The following SASH1 variants were observed in gnomAD, a reference collection of about 807,000 sequenced individuals.
The protein encoded by SASH1 is SAM and SH3 domain-containing protein 1.
Under a neutral mutation model 125.2 loss-of-function variants are expected in SASH1, and 44 were observed. The observed-to-expected ratio is 0.35, with a 90% CI of 0.28 to 0.45. The LOEUF (loss-of-function observed/expected upper bound fraction) is 0.45, where lower values mean the gene tolerates loss of function less well. Ranked by LOEUF, SASH1 falls within the 20% of genes least tolerant of loss-of-function variation. The pLI, the probability that SASH1 is intolerant of heterozygous loss-of-function variation, is 1.00. For missense variants in SASH1, 1,426 were observed against 1,614.5 expected (o/e 0.88, Z 2.00); for synonymous variants, 639 against 649.1 (o/e 0.98, Z 0.24).
intron 4 of SASH1, among the ~76,000 whole-genome samples, chr6:148,452,446 C>T (rs1777143029): frequency 6.6e-6 from 1 of 152,210 alleles, no homozygotes; most frequent in Admixed American, 6.5e-5. Context: ...AAAGCATGCC[C>T]TGCACCGATC....
At chr6:148,474,312 AGG>A in intron 7 of SASH1, 90 bp downstream of exon 7, 1 of 708,114 alleles carries the variant, frequency 1.4e-6, no homozygotes, top group Non-Finnish European at 2.5e-6. Context: ...TATAGGAATC[AGG>A]TACCCATGTT....
chr6:148,328,563 AG>A (rs1470466720), intron 1 of SASH1, among the ~76,000 whole-genome samples: 1 of 151,800 alleles, frequency 6.6e-6, no homozygotes, highest in African/African-American at 2.4e-5. Context: ...ACTGCACTCC[AG>A]CCTGGGTGAC....
intron 1 of SASH1, among the ~76,000 whole-genome samples, chr6:148,277,389 T>A (rs1258801856): frequency 6.6e-6 from 1 of 152,184 alleles, no homozygotes; most frequent in African/African-American, 2.4e-5. Context: ...AGACATTGGG[T>A]TCACCGTGCT....
At chr6:148,508,966 T>C in intron 8 of SASH1, 1 of 610,922 alleles carries the variant, frequency 1.6e-6, no homozygotes, top group Non-Finnish European at 2.7e-6. Context: ...CCTATGATGT[T>C]TCTCTCTCTT....
At chr6:148,372,721 TCATTCATTC>T (rs1782746147) in intron 1 of SASH1, among the ~76,000 whole-genome samples, 1 of 152,156 alleles carries the variant, frequency 6.6e-6, no homozygotes, top group Admixed American at 6.5e-5. Flanking sequence ...ATTCATTCAT[TCATTCATTC>T]ATTCAGTGCA....
chr6:148,347,245 T>G (rs1781550163), intron 1 of SASH1, among the ~76,000 whole-genome samples: 1 of 152,180 alleles, frequency 6.6e-6, no homozygotes, highest in Non-Finnish European at 1.5e-5. Context: ...AGGGGGTTAG[T>G]AAGTGCCTAT....
At chr6:148,269,633 T>C (rs1369289741), upstream of SASH1, among the ~76,000 whole-genome samples, 1 of 152,196 alleles carries the variant, frequency 6.6e-6, no homozygotes, top group Non-Finnish European at 1.5e-5. Context: ...TTTGATTGCA[T>C]TGTTAGATTG....
chr6:148,284,469 G>A (rs1002432011), intron 1 of SASH1, among the ~76,000 whole-genome samples: 1 of 152,132 alleles, frequency 6.6e-6, no homozygotes, highest in African/African-American at 2.4e-5. Flanking sequence ...ATTTTCTACT[G>A]TATGAAAATT....
chr6:148,379,239 C>G (rs1413052871), intron 1 of SASH1, among the ~76,000 whole-genome samples: 1 of 152,186 alleles, frequency 6.6e-6, no homozygotes, highest in East Asian at 1.9e-4. Context: ...GTCCCCTGTC[C>G]TGCCACACCT....
At chr6:148,514,499 C>T in intron 9 of SASH1, 43 bp downstream of exon 9, 1 of 1,366,542 alleles carries the variant, frequency 7.3e-7, no homozygotes. Context: ...CAGACTCCAC[C>T]CTGGTTATTC....
chr6:148,228,923 G>A, the SASH1 span, among the ~76,000 whole-genome samples: 4 of 152,096 alleles, frequency 2.6e-5, no homozygotes, highest in African/African-American at 7.2e-5. Context: ...ATCACTTGAC[G>A]TCAAGAGTTC....
At position 148,519,515 on chromosome 6, in the gene SASH1, G is replaced by A; in HGVS notation, c.863-32G>A. ...GATGTATGCAAGAATGCAAAGGTGT[G>A]TTCACAAGAGACTCTGTTGGTTTCC... On this transcript the variant is annotated intron_variant, in intron 9 of 19. Coordinates refer to ENST00000367467, the MANE Select transcript of SASH1 (RefSeq NM_015278.5). The surrounding 1 kb of genome is among the most constrained non-coding windows in gnomAD (Gnocchi z 4.8). 2 of 1,537,672 alleles carry A rather than the reference G, an allele frequency of 1.3e-6. No homozygotes were observed.
chr6:148,266,100 G>A, the SASH1 span, among the ~76,000 whole-genome samples: 1,120 of 152,102 alleles, frequency 7.4e-3, 14 homozygotes, highest in African/African-American at 0.026. Context: ...AGCCTCCTGA[G>A]TAGCTGGGAT....
chr6:148,435,412 C>T lies in SASH1; in HGVS notation c.286-4772C>T, dbSNP rs1342175005. Among the ~76,000 whole-genome samples, 7 of 149,986 alleles carry T rather than the reference C, an allele frequency of 4.7e-5. No homozygotes were observed. In the East Asian group the frequency reaches 1.4e-3, roughly 29 times the overall value. ...AAAAAAAAAAAGGATAGTATATTTACACTTAGGAAACAATAGTGAATACTT... is the reference window on the plus strand; with the variant it reads ...AAAAAAAAAAAGGATAGTATATTTATACTTAGGAAACAATAGTGAATACTT... On this transcript the variant is annotated intron_variant, in intron 2 of 19. Coordinates refer to ENST00000367467, the MANE Select transcript of SASH1 (RefSeq NM_015278.5).
chr6:148,198,614 A>T, the SASH1 span, among the ~76,000 whole-genome samples: 2 of 152,230 alleles, frequency 1.3e-5, no homozygotes, highest in Non-Finnish European at 2.9e-5. Context: ...TGGAACACAA[A>T]TGATGAAAAT....
At chr6:148,366,971 C>CTTTTTT in intron 1 of SASH1, among the ~76,000 whole-genome samples, 1 of 125,310 alleles carries the variant, frequency 8.0e-6, no homozygotes, top group South Asian at 2.7e-4. Flanking sequence ...TAGTGGGTAG[C>CTTTTTT]TTTTTTTTTT....
At position 148,548,690 on chromosome 6, in the gene SASH1, C is replaced by T. The variant is rs1024863345; in HGVS notation, c.*132C>T. On this transcript the variant is annotated 3_prime_UTR_variant, in exon 20 of 20. Transcript: ENST00000367467. The stretch of plus-strand genomic sequence containing the variant: ...AAAGGCCTGGCGTGTGGCCAAACAG[C>T]GTGAAACCTTGGCACAGGACTGAGG... 6 of 1,102,664 alleles carry T rather than the reference C, an allele frequency of 5.4e-6. No individual in the cohort carries two copies. In the Admixed American group the frequency reaches 7.9e-5, roughly 15 times the overall value. The allele number at this position is 1,102,664 out of a possible 1,614,324, so 68.3% of individuals were successfully genotyped here.
chr6:148,387,994 C>T (rs1051846044), intron 1 of SASH1, among the ~76,000 whole-genome samples: 64 of 148,592 alleles, frequency 4.3e-4, no homozygotes, highest in African/African-American at 1.5e-3. Context: ...TGGCTCACCG[C>T]AACCTCTGAC....
intron 1 of SASH1, among the ~76,000 whole-genome samples, chr6:148,313,458 T>A (rs2128519322): frequency 6.6e-6 from 1 of 152,328 alleles, no homozygotes; most frequent in African/African-American, 2.4e-5. Context: ...ATTTAAATGT[T>A]CTTCTGGGTA....
Sources: gnomAD v4.1 joint callset for allele counts (sites outside exome capture counted in the v4.1 genomes callset) on GRCh38, gnomAD v4.1.1 for gene constraint, Gnocchi (gnomAD v3.1) non-coding constraint, MANE v1.5 for transcripts, NCBI Gene and HGNC (gene_info 2026-07-23, HGNC 2026-07-21) for gene names.